FHIT: variants seen among roughly 807,000 people sequenced by gnomAD.
FHIT encodes the protein fragile histidine triad diadenosine triphosphatase.
FHIT carries 19 observed loss-of-function variants against 17.9 expected under a neutral mutation model. The ratio of observed to expected loss-of-function variants is 1.06; its 90% CI spans 0.74 to 1.56. The LOEUF is 1.56. Among genes scored for constraint, FHIT ranks in the 40% most tolerant of loss-of-function variants. The pLI, the probability that FHIT is intolerant of heterozygous loss-of-function variation, is 0.00. For missense variants in FHIT, 248 were observed against 189.2 expected (o/e 1.31, Z -1.82); for synonymous variants, 81 against 69.7 (o/e 1.16, Z -0.81).
rs924218766 is a variant in FHIT, at chr3:60,108,186, C to G, written c.104-94034G>C. 2.6e-5 allele frequency among the ~76,000 whole-genome samples: 4 copies of G among 152,124 alleles called. No homozygotes were observed. In the South Asian group the frequency reaches 6.2e-4, roughly 24 times the overall value. ...AAAAGCTAATTCAATGTGTCCACTT[C>G]GGGGTTATTTCCATCATAAGGCATT... On this transcript the variant is annotated intron_variant, in intron 5 of 9. Coordinates refer to ENST00000492590, the MANE Select transcript of FHIT (RefSeq NM_002012.4).
chr3:60,085,079 G>A (rs1703441020), intron 5 of FHIT, among the ~76,000 whole-genome samples: 1 of 152,138 alleles, frequency 6.6e-6, no homozygotes, highest in Admixed American at 6.5e-5. Context: ...TGTGTAATAT[G>A]ACAACAGACT....
chr3:60,861,190 T>TATATCATATC lies in FHIT; in HGVS notation c.-110-39180_-110-39179insGATATGATAT, dbSNP rs1703819408. ...CATATGTTCTATGATATATATGATA[T>TATATCATATC]ATATCATATATGATATATATGATAT... On this transcript the variant is annotated intron_variant, in intron 3 of 9. Transcript: ENST00000492590. 1.3e-3 allele frequency among the ~76,000 whole-genome samples: 4 copies of TATATCATATC among 2,988 alleles called. 2 individuals are homozygous for TATATCATATC. Among genetic ancestry groups the TATATCATATC allele is most frequent in the Non-Finnish European group, 2.5e-3 (4 of 1,628 alleles). The allele number at this position is 2,988 out of a possible 152,430, so 2.0% of individuals were successfully genotyped here.
At chr3:59,837,293 T>C (rs948340362) in intron 8 of FHIT, among the ~76,000 whole-genome samples, 1 of 152,192 alleles carries the variant, frequency 6.6e-6, no homozygotes, top group African/African-American at 2.4e-5. Flanking sequence ...AGGTCGCTGA[T>C]ATAAAATGTC....
At chr3:60,981,712 G>A (rs755507196) in intron 3 of FHIT, among the ~76,000 whole-genome samples, 13 of 151,196 alleles carry the variant, frequency 8.6e-5, no homozygotes, top group Non-Finnish European at 1.5e-4. Context: ...GGGCTCTGGT[G>A]AGCCTCCCTT....
chr3:59,961,656 G>T (rs937640578), intron 7 of FHIT, among the ~76,000 whole-genome samples: 7 of 152,142 alleles, frequency 4.6e-5, no homozygotes, highest in Non-Finnish European at 8.8e-5. Flanking sequence ...GCTTCCCTTG[G>T]CTAGGGGAGG....
At chr3:60,102,227 C>A (rs1412897769) in intron 5 of FHIT, among the ~76,000 whole-genome samples, 1 of 152,204 alleles carries the variant, frequency 6.6e-6, no homozygotes, top group Non-Finnish European at 1.5e-5. Flanking sequence ...TCAATCACTA[C>A]GCTCAGTATA....
At chr3:61,057,097 T>C (rs1403913226) in intron 2 of FHIT, among the ~76,000 whole-genome samples, 2 of 152,238 alleles carry the variant, frequency 1.3e-5, no homozygotes, top group African/African-American at 4.8e-5. Context: ...TGTAGAACCT[T>C]TGACATAACA....
rs111606582 is a variant in FHIT at position 60,354,504 on chromosome 3, G to C, written c.103+182356C>G. Among the ~76,000 whole-genome samples, 463 of 152,204 alleles carry C rather than the reference G, an allele frequency of 3.0e-3. 1 individual carries two copies. Among genetic ancestry groups the C allele is most frequent in the African/African-American group, 0.011 (437 of 41,554 alleles). On this transcript the variant is annotated intron_variant, in intron 5 of 9. Coordinates refer to ENST00000492590, the MANE Select transcript of FHIT (RefSeq NM_002012.4). Reference sequence around the variant, plus strand: ...AACCCAGTCTGAAGAAACAGATACAGAGTAGTTATCAGAACAAGAATTCAA... The same window carrying C: ...AACCCAGTCTGAAGAAACAGATACACAGTAGTTATCAGAACAAGAATTCAA...
At chr3:60,380,439 A>G (rs1477860071) in intron 5 of FHIT, among the ~76,000 whole-genome samples, 1 of 152,198 alleles carries the variant, frequency 6.6e-6, no homozygotes, top group Non-Finnish European at 1.5e-5. Flanking sequence ...ACCTCTTTTC[A>G]TTATAAATTA....
intron 5 of FHIT, among the ~76,000 whole-genome samples, chr3:60,228,811 A>T (rs1172532333): frequency 6.6e-6 from 1 of 152,224 alleles, no homozygotes; most frequent in Non-Finnish European, 1.5e-5. Flanking sequence ...TTTTGTCTGC[A>T]GAATGAAGGG....
At chr3:60,110,543 C>G (rs76292036) in intron 5 of FHIT, among the ~76,000 whole-genome samples, 16,072 of 152,100 alleles carry the variant, frequency 0.11, 1,070 homozygotes, top group Admixed American at 0.15. Flanking sequence ...GCCAAGTTTA[C>G]GTAAGTTCAA....
chr3:60,343,197 A>C (rs888138760), intron 5 of FHIT, among the ~76,000 whole-genome samples: 1 of 152,188 alleles, frequency 6.6e-6, no homozygotes, highest in Non-Finnish European at 1.5e-5. Flanking sequence ...CTAGTAGACC[A>C]ATACTAATAT....
At chr3:60,285,171 G>A (rs1213013413) in intron 5 of FHIT, among the ~76,000 whole-genome samples, 3 of 152,082 alleles carry the variant, frequency 2.0e-5, no homozygotes, top group Non-Finnish European at 4.4e-5. Flanking sequence ...CATATTAAAT[G>A]TTGGTATATA....
At chr3:61,079,218 G>A (rs2035058579) in intron 2 of FHIT, among the ~76,000 whole-genome samples, 1 of 152,150 alleles carries the variant, frequency 6.6e-6, no homozygotes, top group Admixed American at 6.6e-5. Context: ...GCTGATGGCT[G>A]AGGCTTTACC....
chr3:60,429,178 T>G (rs1702782538), intron 5 of FHIT, among the ~76,000 whole-genome samples: 1 of 152,030 alleles, frequency 6.6e-6, no homozygotes, highest in South Asian at 2.1e-4. Flanking sequence ...CATAAAAATT[T>G]TGGTCTAGTT....
intron 5 of FHIT, among the ~76,000 whole-genome samples, chr3:60,309,659 A>G (rs1289765182): frequency 1.3e-5 from 2 of 152,140 alleles, no homozygotes; most frequent in Non-Finnish European, 2.9e-5. Context: ...TCCTCTCCTC[A>G]GTAAGCCAAC....
At chr3:60,200,779 G>A (rs916200952) in intron 5 of FHIT, among the ~76,000 whole-genome samples, 12 of 151,966 alleles carry the variant, frequency 7.9e-5, no homozygotes, top group Admixed American at 5.9e-4. Flanking sequence ...GATGATATTC[G>A]GTTAAAAATG....
chr3:61,121,302 CA>C (rs1389630226), intron 2 of FHIT, among the ~76,000 whole-genome samples: 2 of 152,048 alleles, frequency 1.3e-5, no homozygotes, highest in South Asian at 4.2e-4. Context: ...TCAGATTCAC[CA>C]AAGTTGAAAT....
At chr3:60,979,851 A>G (rs912974388) in intron 3 of FHIT, among the ~76,000 whole-genome samples, 2 of 152,142 alleles carry the variant, frequency 1.3e-5, no homozygotes, top group African/African-American at 4.8e-5. Context: ...TCCATCTCGG[A>G]CTTAGTCAAA....
Sources: allele counts gnomAD v4.1 joint callset (sites outside exome capture counted in the v4.1 genomes callset), GRCh38; gene constraint gnomAD v4.1.1; transcripts MANE v1.5; gene names NCBI Gene and HGNC (gene_info 2026-07-23, HGNC 2026-07-21).